Variants in LINC00305 observed in about 807,000 individuals in gnomAD.
The protein encoded by LINC00305 is long independently transcribed non-coding RNA 305, also known as long intergenic non-protein coding RNA 305.
At chr18:64,087,862 C>T (rs1228241449) in intron 3 of LINC00305, among the ~76,000 whole-genome samples, 3 of 151,486 alleles carry the variant, frequency 2.0e-5, no homozygotes, top group South Asian at 2.1e-4. Flanking sequence ...GAGGCCGAGG[C>T]GGATGGATCA....
At chr18:64,091,804 T>A (rs1320233291) in intron 3 of LINC00305, among the ~76,000 whole-genome samples, 1 of 152,214 alleles carries the variant, frequency 6.6e-6, no homozygotes, top group Non-Finnish European at 1.5e-5. Context: ...TCACTCATAA[T>A]CAATATGTGA....
chr18:64,126,843 T>C (rs1026948199), intron 1 of LINC00305, among the ~76,000 whole-genome samples: 6 of 152,160 alleles, frequency 3.9e-5, no homozygotes, highest in African/African-American at 1.2e-4. Flanking sequence ...ATCAGTCCAC[T>C]GTATTAAATT....
At chr18:64,128,496 A>G (rs1366295229) in intron 1 of LINC00305, among the ~76,000 whole-genome samples, 2 of 152,082 alleles carry the variant, frequency 1.3e-5, no homozygotes, top group Non-Finnish European at 2.9e-5. Flanking sequence ...TGTGTTCAAC[A>G]TGACTGGCAG....
chr18:64,132,051 T>C (rs1599227084), intron 1 of LINC00305, among the ~76,000 whole-genome samples: 1 of 152,238 alleles, frequency 6.6e-6, no homozygotes, highest in East Asian at 1.9e-4. Flanking sequence ...TTTTATTTTG[T>C]TTTATAATAA....
At chr18:64,107,826 C>T (rs2051297758) in intron 1 of LINC00305, among the ~76,000 whole-genome samples, 1 of 152,194 alleles carries the variant, frequency 6.6e-6, no homozygotes, top group Non-Finnish European at 1.5e-5. Context: ...GGCCCTACCA[C>T]CTGAGACCTG....
chr18:64,109,538 T>G (rs1183215784), intron 1 of LINC00305, among the ~76,000 whole-genome samples: 3 of 152,258 alleles, frequency 2.0e-5, no homozygotes, highest in Non-Finnish European at 4.4e-5. Context: ...GAGCCATTTA[T>G]TCATTGTCAT....
intron 1 of LINC00305, among the ~76,000 whole-genome samples, chr18:64,108,712 T>C (rs886657726): frequency 6.6e-6 from 1 of 152,232 alleles, no homozygotes; most frequent in East Asian, 1.9e-4. Flanking sequence ...AATCTGATAG[T>C]GTTAGGTGTG....
intron 1 of LINC00305, among the ~76,000 whole-genome samples, chr18:64,131,030 T>A (rs2051407498): frequency 6.6e-6 from 1 of 152,110 alleles, no homozygotes; most frequent in Admixed American, 6.6e-5. Context: ...CACAGACCAA[T>A]GAAAAGGGGG....
At chr18:64,137,670 G>A (rs539951168) in intron 1 of LINC00305, among the ~76,000 whole-genome samples, 2 of 152,284 alleles carry the variant, frequency 1.3e-5, no homozygotes, top group Non-Finnish European at 2.9e-5. Flanking sequence ...TGTCTTTGGA[G>A]TCCTGCTATG....
chr18:64,100,875 A>T (rs2590395), intron 1 of LINC00305, among the ~76,000 whole-genome samples: 1 of 151,966 alleles, frequency 6.6e-6, no homozygotes, highest in African/African-American at 2.4e-5. Context: ...GAAGAGTGTC[A>T]TGACTCTTCT....
chr18:64,119,916 A>G (rs548397747), intron 1 of LINC00305, among the ~76,000 whole-genome samples: 1 of 152,190 alleles, frequency 6.6e-6, no homozygotes, highest in South Asian at 2.1e-4. Flanking sequence ...TGTTAGATAG[A>G]TATTAAAGTT....
At chr18:64,133,482 C>T (rs1297721436) in intron 1 of LINC00305, among the ~76,000 whole-genome samples, 1 of 152,152 alleles carries the variant, frequency 6.6e-6, no homozygotes. Context: ...AAATGTAAGT[C>T]ATAAGTGACT....
chr18:64,144,394 G>C (rs2051486761), intron 1 of LINC00305, among the ~76,000 whole-genome samples: 1 of 152,146 alleles, frequency 6.6e-6, no homozygotes, highest in Non-Finnish European at 1.5e-5. Flanking sequence ...GGAAAAAGCA[G>C]GAAAATGCAC....
intron 1 of LINC00305, among the ~76,000 whole-genome samples, chr18:64,117,995 C>T (rs2051345204): frequency 6.6e-6 from 1 of 152,112 alleles, no homozygotes; most frequent in South Asian, 2.1e-4. Context: ...ACAATAACAC[C>T]CATCTTATGG....
intron 1 of LINC00305, among the ~76,000 whole-genome samples, chr18:64,116,545 G>A (rs913565687): frequency 5.3e-5 from 8 of 152,030 alleles, no homozygotes; most frequent in Non-Finnish European, 1.0e-4. Flanking sequence ...TATATCAATT[G>A]TCACTTTCTT....
intron 1 of LINC00305, among the ~76,000 whole-genome samples, chr18:64,114,492 C>A (rs2051329210): frequency 6.6e-6 from 1 of 152,170 alleles, no homozygotes; most frequent in African/African-American, 2.4e-5. Flanking sequence ...TATACTGGAA[C>A]TTTCTGATAT....
At chr18:64,132,468 C>T (rs375636601) in intron 1 of LINC00305, among the ~76,000 whole-genome samples, 8 of 152,128 alleles carry the variant, frequency 5.3e-5, no homozygotes, top group Admixed American at 2.0e-4. Context: ...TGCCGAATTC[C>T]GTACATACGT....
At chr18:64,128,609 T>C (rs1227304755) in intron 1 of LINC00305, among the ~76,000 whole-genome samples, 1 of 152,152 alleles carries the variant, frequency 6.6e-6, no homozygotes, top group East Asian at 1.9e-4. Flanking sequence ...GAATTTATGA[T>C]TTATTTGCTC....
intron 3 of LINC00305, among the ~76,000 whole-genome samples, chr18:64,085,532 G>A (rs553682181): frequency 4.0e-5 from 6 of 151,544 alleles, no homozygotes; most frequent in Admixed American, 6.6e-5. Context: ...GCACAATCTC[G>A]GCTCACGGCA....
Sources: gnomAD v4.1 joint callset for allele counts (sites outside exome capture counted in the v4.1 genomes callset) on GRCh38, gnomAD v4.1.1 for gene constraint, MANE v1.5 for transcripts, NCBI Gene and HGNC (gene_info 2026-07-23, HGNC 2026-07-21) for gene names.